The following ZFAT variants were observed in gnomAD, a reference collection of about 807,000 sequenced individuals.
ZFAT encodes zinc finger protein ZFAT.
Under a neutral mutation model 117.7 loss-of-function variants are expected in ZFAT, and 64 were observed. The ratio of observed to expected loss-of-function variants is 0.54; its 90% CI spans 0.44 to 0.67. The LOEUF (loss-of-function observed/expected upper bound fraction) is 0.67, where lower values mean the gene tolerates loss of function less well. Among genes scored for constraint, ZFAT ranks in the 30% least tolerant of loss-of-function variants. The pLI is 0.00. For missense variants in ZFAT, 1,433 were observed against 1,584.5 expected (o/e 0.90, Z 1.62); for synonymous variants, 679 against 615.0 (o/e 1.10, Z -1.54).
intron 10 of ZFAT, among the ~76,000 whole-genome samples, chr8:134,576,133 G>C (rs767550173): frequency 1.3e-5 from 2 of 152,206 alleles, no homozygotes; most frequent in South Asian, 4.1e-4. Flanking sequence ...TTGCAGCTGA[G>C]ACCCTCTACC....
At chr8:134,712,215 C>A (rs1186090502) in intron 1 of ZFAT, among the ~76,000 whole-genome samples, 1 of 152,162 alleles carries the variant, frequency 6.6e-6, no homozygotes, top group Non-Finnish European at 1.5e-5. Context: ...GTAAAGTTGA[C>A]CTCTCTGAAC....
the ZFAT span, among the ~76,000 whole-genome samples, chr8:134,763,042 C>G: frequency 6.6e-6 from 1 of 152,156 alleles, no homozygotes; most frequent in African/African-American, 2.4e-5. Context: ...CACCTTTGGT[C>G]CCTACAATCT....
intron 3 of ZFAT, among the ~76,000 whole-genome samples, chr8:134,613,880 G>C (rs879551909): frequency 1.3e-5 from 2 of 152,188 alleles, no homozygotes; most frequent in Non-Finnish European, 2.9e-5. Context: ...AATGCCTTGG[G>C]CATCACAAAG....
At chr8:134,658,372 T>C (rs75100513) in intron 1 of ZFAT, among the ~76,000 whole-genome samples, 12,400 of 142,760 alleles carry the variant, frequency 0.087, 594 homozygotes, top group African/African-American at 0.093. Context: ...AAAAACTAAA[T>C]CCTACCCCTC....
intron 10 of ZFAT, among the ~76,000 whole-genome samples, chr8:134,569,953 C>T (rs1243564920): frequency 1.3e-5 from 2 of 152,196 alleles, no homozygotes; most frequent in East Asian, 3.9e-4. Context: ...CCTCCTGCTC[C>T]TCTTCCCAGC....
chr8:134,695,201 C>T (rs748873739), intron 1 of ZFAT, among the ~76,000 whole-genome samples: 1 of 152,150 alleles, frequency 6.6e-6, no homozygotes, highest in Middle Eastern at 3.2e-3. Flanking sequence ...ACATCCTCCC[C>T]GGGAGGCACC....
Position 134,539,115 on chromosome 8 carries a change from A to T in ZFAT, c.2977-6143T>A, listed in dbSNP as rs1822058176. On this transcript the variant is annotated intron_variant, in intron 11 of 15. Coordinates refer to ENST00000377838, the MANE Select transcript of ZFAT (RefSeq NM_020863.4). ...TCACCCGTGAAACTGGGTTCCGAAA[A>T]ACCTGATTAGAAGACATCTAAAAAC... is the stretch of plus-strand genomic sequence containing the variant. 2.0e-5 allele frequency among the ~76,000 whole-genome samples: 3 copies of T among 152,330 alleles called. No homozygotes were observed. The South Asian group carries it at 6.2e-4, about 32-fold the overall frequency.
At chr8:134,652,857 C>T (rs981236556) in intron 2 of ZFAT, among the ~76,000 whole-genome samples, 1 of 152,156 alleles carries the variant, frequency 6.6e-6, no homozygotes, top group Non-Finnish European at 1.5e-5. Flanking sequence ...AGAGAGCATT[C>T]TGATAAAACC....
At chr8:134,629,890 T>G (rs1829769444) in intron 3 of ZFAT, among the ~76,000 whole-genome samples, 1 of 152,226 alleles carries the variant, frequency 6.6e-6, no homozygotes, top group Non-Finnish European at 1.5e-5. Context: ...CAGATGCTCT[T>G]CTGAGCCAAG....
the ZFAT span, among the ~76,000 whole-genome samples, chr8:134,790,178 C>A: frequency 6.6e-6 from 1 of 152,130 alleles, no homozygotes; most frequent in East Asian, 1.9e-4. Context: ...CACATACCAC[C>A]ATTGCAAGAA....
intron 3 of ZFAT, among the ~76,000 whole-genome samples, chr8:134,629,571 C>T (rs1829748413): frequency 6.6e-6 from 1 of 152,082 alleles, no homozygotes; most frequent in Admixed American, 6.5e-5. Flanking sequence ...GGGTGGATTT[C>T]CTCCTTACTG....
At chr8:134,714,392 T>C (rs764520716), upstream of ZFAT, among the ~76,000 whole-genome samples, 6 of 152,196 alleles carry the variant, frequency 3.9e-5, no homozygotes, top group African/African-American at 9.6e-5. Flanking sequence ...GCAGCCCTTA[T>C]AGGTCCTTTT....
At chr8:134,659,575 T>C (rs1170007989) in intron 1 of ZFAT, among the ~76,000 whole-genome samples, 1 of 152,216 alleles carries the variant, frequency 6.6e-6, no homozygotes, top group Non-Finnish European at 1.5e-5. Context: ...GCATGATGGC[T>C]TGTGCGTGCA....
At chr8:134,768,754 C>A in the ZFAT span, among the ~76,000 whole-genome samples, 22 of 152,316 alleles carry the variant, frequency 1.4e-4, no homozygotes, top group East Asian at 3.9e-4. Context: ...TGGGTGGGGA[C>A]ACAGTCAAAC....
chr8:134,766,042 T>C, the ZFAT span: 2 of 152,234 alleles, frequency 1.3e-5, no homozygotes, highest in African/African-American at 2.4e-5. Flanking sequence ...CAAACCTTTG[T>C]GTTTGTATAG....
intron 15 of ZFAT, among the ~76,000 whole-genome samples, chr8:134,505,611 T>C (rs766239249): frequency 1.6e-4 from 25 of 152,096 alleles, no homozygotes; most frequent in African/African-American, 3.9e-4. Flanking sequence ...AATTTGCCCC[T>C]GGAAACAGAG....
rs113398333 is a variant in ZFAT, at chr8:134,559,675, C to T, written c.2976+5658G>A. On this transcript the variant is annotated intron_variant, in intron 11 of 15. Transcript: ENST00000377838. ...GTGTGAGAATGGCTGTTCCTCATGGCCTCATCAATGGAGCATGCTTGCAAA... is the reference window on the plus strand; with the variant it reads ...GTGTGAGAATGGCTGTTCCTCATGGTCTCATCAATGGAGCATGCTTGCAAA... 3.0e-3 allele frequency among the ~76,000 whole-genome samples: 456 copies of T among 152,300 alleles called. 3 individuals carry two copies. Among genetic ancestry groups the T allele is most frequent in the African/African-American group, 0.01 (435 of 41,572 alleles).
At chr8:134,751,077 T>A in the ZFAT span, among the ~76,000 whole-genome samples, 1 of 152,330 alleles carries the variant, frequency 6.6e-6, no homozygotes, top group South Asian at 2.1e-4. Flanking sequence ...ACTTGCTAAA[T>A]ACATTTTTTT....
the ZFAT span, among the ~76,000 whole-genome samples, chr8:134,824,135 G>T: frequency 6.6e-6 from 1 of 152,252 alleles, no homozygotes; most frequent in African/African-American, 2.4e-5. Flanking sequence ...ATGGAAAGAT[G>T]ACCAAGGTTC....
Sources: allele counts gnomAD v4.1 joint callset (sites outside exome capture counted in the v4.1 genomes callset), GRCh38; gene constraint gnomAD v4.1.1; transcripts MANE v1.5; gene names NCBI Gene and HGNC (gene_info 2026-07-23, HGNC 2026-07-21).